The following CCDC150 variants were observed in gnomAD, a reference collection of about 807,000 sequenced individuals.
The protein encoded by CCDC150 is coiled-coil domain-containing protein 150.
Under a neutral mutation model 156.5 loss-of-function variants are expected in CCDC150, and 151 were observed. That is an observed-to-expected ratio of 0.97 (90% confidence interval 0.85 to 1.10). The LOEUF is 1.10. CCDC150 is among the 50% of genes least tolerant of loss of function. The probability of loss-of-function intolerance (pLI) is 0.00; values close to 1 mark genes in which losing one functional copy is unlikely to be tolerated. For missense variants in CCDC150, 1,312 were observed against 1,268.1 expected, an observed-to-expected ratio of 1.03 and a Z score of -0.53; for synonymous variants, 452 against 429.4, an observed-to-expected ratio of 1.05 and a Z score of -0.65.
chr2:196,721,565 A>G lies in CCDC150; in HGVS notation c.2303A>G (p.Asn768Ser). ...GCTCTAGGTGTAGCTAGAGAAGACA[A>G]CAGGAAACTTGCTATGAGTCTGGAA... ...QKALGVAREDNRKLAMSLEQA... is the reference protein window; with the variant it reads ...QKALGVAREDSRKLAMSLEQA... The change falls in exon 21 of 28, where the codon AAC becomes AGC. Residue 768 changes from asparagine to serine, a missense_variant. Transcript: ENST00000389175. The G allele has an allele frequency of 6.2e-7, 1 of 1,608,722 alleles. No individual in the cohort carries two copies. Among genetic ancestry groups the G allele is most frequent in the South Asian group, 1.1e-5 (1 of 89,376 alleles).
In CCDC150 at chr2:196,695,102, C is replaced by G; in HGVS notation, c.1566C>G (p.His522Gln). ...AGACTCTTGAAGAAGAGAATAAGCA[C>G]CTGGCAGATCAAATGGCTTCCCTAG... ...NLQTLEEENK[H>Q]LADQMASLEL... Residue 522 changes from histidine (H) to glutamine (Q), a missense_variant, in exon 14 of 28, where the codon CAC becomes CAG. By Grantham distance (24) the His-to-Gln change is conservative. Transcript: ENST00000389175. The G allele has an allele frequency of 6.2e-7, 1 of 1,613,096 alleles. No individual in the cohort carries two copies.
At chr2:196,658,180 G>A (rs1220570823) in intron 4 of CCDC150, among the ~76,000 whole-genome samples, 1 of 152,096 alleles carries the variant, frequency 6.6e-6, no homozygotes, top group Admixed American at 6.6e-5. Flanking sequence ...GGAATCCATT[G>A]CATTATTTGA....
intron 22 of CCDC150, among the ~76,000 whole-genome samples, chr2:196,728,613 A>G (rs1302812582): frequency 1.3e-5 from 2 of 152,224 alleles, no homozygotes; most frequent in Admixed American, 6.5e-5. Flanking sequence ...AAGCAAAATT[A>G]TAAAAATATA....
At chr2:196,653,227 A>G (rs965816576) in intron 2 of CCDC150, among the ~76,000 whole-genome samples, 3 of 152,246 alleles carry the variant, frequency 2.0e-5, no homozygotes, top group African/African-American at 2.4e-5. Flanking sequence ...ATGTTCTTTC[A>G]TTCTCTACCA....
intron 19 of CCDC150, 90 bp downstream of exon 19, chr2:196,719,756 C>A: frequency 1.1e-6 from 1 of 874,416 alleles, no homozygotes; most frequent in Non-Finnish European, 1.6e-6. Context: ...CTTTATGTAG[C>A]TTCCTTTACA....
At chr2:196,674,105 G>A (rs1240327003) in intron 9 of CCDC150, 136 bp from the exon 10 acceptor site, 1 of 538,056 alleles carries the variant, frequency 1.9e-6, no homozygotes, top group African/African-American at 2.0e-5. Context: ...CTAATGACAT[G>A]TGAATTGAGG....
chr2:196,666,145 C>G (rs1693826919), intron 6 of CCDC150, among the ~76,000 whole-genome samples: 1 of 152,170 alleles, frequency 6.6e-6, no homozygotes, highest in East Asian at 1.9e-4. Flanking sequence ...TATATTTACA[C>G]TGCTGTTTTC....
chr2:196,686,183 T>C, intron 13 of CCDC150: 1 of 291,804 alleles, frequency 3.4e-6, no homozygotes, highest in Non-Finnish European at 6.7e-6. Context: ...AAACTGCTGC[T>C]GGAATGCTTA....
At chr2:196,726,204 C>A (rs1698200604) in intron 22 of CCDC150, 105 bp downstream of exon 22, 3 of 1,303,228 alleles carry the variant, frequency 2.3e-6, no homozygotes, top group Non-Finnish European at 3.2e-6. Context: ...CTCTCATCCC[C>A]CTTTGATCAG....
chr2:196,703,300 G>T (rs1020267268), intron 15 of CCDC150, among the ~76,000 whole-genome samples: 6 of 152,176 alleles, frequency 3.9e-5, no homozygotes, highest in African/African-American at 1.4e-4. Flanking sequence ...CTAAAAGGTA[G>T]TCGATAAGCC....
At chr2:196,652,399 G>A (rs1692940998) in intron 2 of CCDC150, among the ~76,000 whole-genome samples, 2 of 152,220 alleles carry the variant, frequency 1.3e-5, no homozygotes, top group African/African-American at 2.4e-5. Flanking sequence ...CCTAAAGGAA[G>A]AAATTGGCTA....
At chr2:196,696,602 A>G (rs986274765) in intron 14 of CCDC150, among the ~76,000 whole-genome samples, 4 of 152,158 alleles carry the variant, frequency 2.6e-5, no homozygotes, top group African/African-American at 9.7e-5. Context: ...GTTCCCAATG[A>G]TGACTCATAG....
intron 23 of CCDC150, 173 bp from the exon 24 acceptor site, chr2:196,729,620 A>T: frequency 1.5e-6 from 1 of 660,516 alleles, no homozygotes. Context: ...TTCCGTGTTG[A>T]TTGTACTGGA....
Position 196,672,384 on chromosome 2 carries a change from G to A in CCDC150, c.976G>A (p.Ala326Thr), listed in dbSNP as rs1694258281. ...TTTCAACAAGGAACATGAAGAAAAT[G>A]CATATTTGAGGTCCGAAATAATGTC... ...ISFNKEHEEN[A>T]YLRSEIMSLH... The change falls in exon 9 of 28, where the codon GCA becomes ACA. Residue 326 changes from alanine to threonine, a missense_variant. Coordinates refer to ENST00000389175, the MANE Select transcript of CCDC150 (RefSeq NM_001080539.2). The A allele has an allele frequency of 1.3e-6, 2 of 1,547,068 alleles. No individual in the cohort carries two copies. Among genetic ancestry groups the A allele is most frequent in the Non-Finnish European group, 1.7e-6 (2 of 1,149,500 alleles).
At chr2:196,653,262 A>T (rs1165156271) in intron 2 of CCDC150, among the ~76,000 whole-genome samples, 2 of 152,184 alleles carry the variant, frequency 1.3e-5, no homozygotes, top group Non-Finnish European at 2.9e-5. Context: ...AAATTTTCCA[A>T]ATTTTTATAC....
In CCDC150 at chr2:196,712,141, C is replaced by T; in HGVS notation, c.1696-4C>T. On this transcript the variant is annotated splice_polypyrimidine_tract_variant and splice_region_variant and intron_variant, in intron 15 of 27. Coordinates refer to ENST00000389175, the MANE Select transcript of CCDC150 (RefSeq NM_001080539.2). The stretch of plus-strand genomic sequence containing the variant: ...TTTTTTTTGTATTTTTGTTTTTCCT[C>T]TAGATAAAAGTTAAACAGCTAGAAG... 6.9e-7 allele frequency: 1 copy of T among 1,445,948 alleles called. No homozygotes were observed. Among genetic ancestry groups the T allele is most frequent in the East Asian group, 2.4e-5 (1 of 42,024 alleles). The allele number at this position is 1,445,948 out of a possible 1,614,324, so 89.6% of individuals were successfully genotyped here. A position where few individuals can be genotyped will look rare whatever the true frequency, so the allele number is the denominator to read the frequency against.
chr2:196,712,887 G>A (rs759110783), intron 17 of CCDC150, 148 bp downstream of exon 17: 6 of 612,442 alleles, frequency 9.8e-6, no homozygotes, highest in Non-Finnish European at 1.7e-5. Flanking sequence ...CCAGGAAGGT[G>A]TTACCAGAAG....
chr2:196,729,712 T>C (rs1477785036), intron 23 of CCDC150, 81 bp from the exon 24 acceptor site: 1 of 950,686 alleles, frequency 1.1e-6, no homozygotes. Flanking sequence ...TATTGGATTC[T>C]TTCTGTCATC....
At chr2:196,702,398 A>C (rs1028080920) in intron 15 of CCDC150, among the ~76,000 whole-genome samples, 1 of 145,574 alleles carries the variant, frequency 6.9e-6, no homozygotes, top group Non-Finnish European at 1.5e-5. Flanking sequence ...TCACTCTCTC[A>C]TCCAGGCTGG....
Sources: allele counts gnomAD v4.1 joint callset (sites outside exome capture counted in the v4.1 genomes callset), GRCh38; gene constraint gnomAD v4.1.1; transcripts MANE v1.5; gene names NCBI Gene and HGNC (gene_info 2026-07-23, HGNC 2026-07-21).